Variants in SNX7 observed in about 807,000 individuals in gnomAD.
The protein encoded by SNX7 is sorting nexin-7.
Under a neutral mutation model 48.4 loss-of-function variants are expected in SNX7, and 35 were observed. The observed-to-expected ratio is 0.72, with a 90% confidence interval of 0.55 to 0.96. The LOEUF is 0.96. SNX7 is among the 40% of genes least tolerant of loss of function. The probability of loss-of-function intolerance (pLI) is 0.00; values close to 1 mark genes in which losing one functional copy is unlikely to be tolerated. For missense variants in SNX7, 553 were observed against 548.9 expected, an observed-to-expected ratio of 1.01 and a Z score of -0.07; for synonymous variants, 190 against 190.2, an observed-to-expected ratio of 1.00 and a Z score of 0.01.
intron 8 of SNX7, among the ~76,000 whole-genome samples, chr1:98,746,214 T>C (rs1654302250): frequency 6.6e-6 from 1 of 151,990 alleles, no homozygotes; most frequent in Non-Finnish European, 1.5e-5. Flanking sequence ...ATTTAAGACA[T>C]TTCACAAATA....
At chr1:98,695,308 T>C (rs926314240) in intron 4 of SNX7, among the ~76,000 whole-genome samples, 5 of 152,100 alleles carry the variant, frequency 3.3e-5, no homozygotes, top group African/African-American at 1.2e-4. Flanking sequence ...TTTACATGAG[T>C]AGTGTGAAAG....
At chr1:98,666,248 G>A (rs578071832) in intron 1 of SNX7, among the ~76,000 whole-genome samples, 1 of 152,182 alleles carries the variant, frequency 6.6e-6, no homozygotes, top group Non-Finnish European at 1.5e-5. Flanking sequence ...GAATACTGAG[G>A]CATTTAGAGA....
At chr1:98,710,111 C>T (rs565724044) in intron 7 of SNX7, among the ~76,000 whole-genome samples, 93 of 152,134 alleles carry the variant, frequency 6.1e-4, no homozygotes, top group Non-Finnish European at 1.2e-3. Flanking sequence ...TGAACACAAA[C>T]CTGAACACGG....
At chr1:98,661,529 G>A (rs1487700642), upstream of SNX7, among the ~76,000 whole-genome samples, 3 of 152,082 alleles carry the variant, frequency 2.0e-5, no homozygotes, top group South Asian at 2.1e-4. Context: ...TCCCAGTTCC[G>A]CCCCTCCAGC....
At chr1:98,675,626 C>T (rs1650120184) in intron 1 of SNX7, among the ~76,000 whole-genome samples, 1 of 152,100 alleles carries the variant, frequency 6.6e-6, no homozygotes, top group Non-Finnish European at 1.5e-5. Context: ...AAAAGAATGC[C>T]AAAGCACGTT....
intron 7 of SNX7, among the ~76,000 whole-genome samples, chr1:98,712,361 T>G (rs1455589638): frequency 6.6e-6 from 1 of 152,172 alleles, no homozygotes; most frequent in African/African-American, 2.4e-5. Flanking sequence ...GACTCAAAAG[T>G]CTAAATGACT....
chr1:98,731,668 C>A (rs1653520795), intron 7 of SNX7, among the ~76,000 whole-genome samples: 1 of 152,058 alleles, frequency 6.6e-6, no homozygotes, highest in Non-Finnish European at 1.5e-5. Context: ...TGTGGTGTAG[C>A]CTGTTGTTCC....
At chr1:98,677,450 T>G (rs1650226692) in intron 1 of SNX7, 1 of 152,184 alleles carries the variant, frequency 6.6e-6, no homozygotes, top group African/African-American at 2.4e-5. Flanking sequence ...GTTGGGAGAT[T>G]GGTTACATAC....
At chr1:98,665,286 G>A (rs1167767415) in intron 1 of SNX7, among the ~76,000 whole-genome samples, 1 of 152,100 alleles carries the variant, frequency 6.6e-6, no homozygotes, top group Non-Finnish European at 1.5e-5. Context: ...ATCATGAAAT[G>A]CAATAATGGT....
intron 4 of SNX7, among the ~76,000 whole-genome samples, chr1:98,694,712 A>G (rs987854395): frequency 7.2e-6 from 1 of 137,946 alleles, no homozygotes; most frequent in Non-Finnish European, 1.5e-5. Flanking sequence ...GGTTCACGCC[A>G]TTCTCCTGCC....
chr1:98,700,975 A>G (rs1272713473), intron 6 of SNX7, among the ~76,000 whole-genome samples: 1 of 152,130 alleles, frequency 6.6e-6, no homozygotes, highest in African/African-American at 2.4e-5. Context: ...TGTTCAGGCC[A>G]TTTGTGCTTC....
chr1:98,753,676 G>A (rs1046848654), intron 8 of SNX7, among the ~76,000 whole-genome samples: 5 of 152,108 alleles, frequency 3.3e-5, no homozygotes, highest in Non-Finnish European at 7.4e-5. Flanking sequence ...CCAGATACAA[G>A]ATTGTGTATG....
chr1:98,745,073 C>G (rs1014656119), intron 8 of SNX7, among the ~76,000 whole-genome samples: 4 of 151,982 alleles, frequency 2.6e-5, no homozygotes, highest in Admixed American at 2.0e-4. Context: ...CTTGCTCAAC[C>G]CTTTGTCAAT....
rs781328637 is a variant in SNX7, at chr1:98,695,574, C to T, written c.696C>T (p.Thr232=). The T allele has an allele frequency of 1.1e-5, 18 of 1,613,958 alleles. No homozygotes were observed. The highest frequency in any genetic ancestry group is 1.6e-4 in the Middle Eastern group (1 of 6,084). Reference sequence around the variant, plus strand: ...GCTTGCTAAGCAGGATGGGGCAAACCGTCAGAGCTGTTGCGTCCTCAATGA... The same window carrying T: ...GCTTGCTAAGCAGGATGGGGCAAACTGTCAGAGCTGTTGCGTCCTCAATGA... ...GPGLLSRMGQ[T]VRAVASSMRG... The change falls in exon 5 of 9, where the codon ACC becomes ACT. Residue 232 remains threonine, a synonymous_variant. Coordinates refer to ENST00000306121, the MANE Select transcript of SNX7 (RefSeq NM_015976.5).
intron 5 of SNX7, 35 bp from the exon 6 acceptor site, chr1:98,698,671 A>G (rs1197182025): frequency 1.3e-6 from 2 of 1,569,240 alleles, no homozygotes; most frequent in Non-Finnish European, 8.7e-7. Flanking sequence ...ACTTTTGTTT[A>G]TTGAAGAGCT....
At chr1:98,710,874 A>G (rs776271792) in intron 7 of SNX7, among the ~76,000 whole-genome samples, 2 of 152,208 alleles carry the variant, frequency 1.3e-5, no homozygotes, top group Non-Finnish European at 2.9e-5. Flanking sequence ...ACATGCAGAA[A>G]TTACGCTTAA....
At chr1:98,699,210 T>G (rs1201091344) in intron 6 of SNX7, among the ~76,000 whole-genome samples, 1 of 152,182 alleles carries the variant, frequency 6.6e-6, no homozygotes, top group East Asian at 1.9e-4. Flanking sequence ...TTGTGAAATT[T>G]TACTTTAAAA....
chr1:98,755,287 G>A (rs1465334868), intron 8 of SNX7, among the ~76,000 whole-genome samples: 1 of 151,992 alleles, frequency 6.6e-6, no homozygotes, highest in Non-Finnish European at 1.5e-5. Flanking sequence ...CTTTTGTCCT[G>A]TAGATCTCAG....
intron 7 of SNX7, among the ~76,000 whole-genome samples, chr1:98,727,131 A>T (rs1653219778): frequency 6.6e-6 from 1 of 152,170 alleles, no homozygotes; most frequent in South Asian, 2.1e-4. Context: ...AATGGCGTGA[A>T]CCCGGGACGT....
Sources: allele counts gnomAD v4.1 joint callset (sites outside exome capture counted in the v4.1 genomes callset), GRCh38; gene constraint gnomAD v4.1.1; transcripts MANE v1.5; gene names NCBI Gene and HGNC (gene_info 2026-07-23, HGNC 2026-07-21).